The following ADAM23 variants were observed in gnomAD, a reference collection of about 807,000 sequenced individuals.
The protein encoded by ADAM23 is ADAM metallopeptidase domain 23, also known as disintegrin and metalloproteinase domain-containing protein 23.
In ADAM23, 33 loss-of-function variants were observed where a neutral mutation model predicts 120.1. That is an observed-to-expected ratio of 0.27 (90% CI 0.21 to 0.37). ADAM23 has a LOEUF of 0.37. ADAM23 is among the 10% of genes least tolerant of loss of function. The pLI, the probability that ADAM23 is intolerant of heterozygous loss-of-function variation, is 1.00. For missense variants in ADAM23, 862 were observed against 1,058.2 expected, an observed-to-expected ratio of 0.81 and a Z score of 2.57; for synonymous variants, 367 against 375.2, an observed-to-expected ratio of 0.98 and a Z score of 0.25.
At chr2:206,594,270 G>A (rs1046699137) in intron 22 of ADAM23, among the ~76,000 whole-genome samples, 1 of 152,006 alleles carries the variant, frequency 6.6e-6, no homozygotes, top group Non-Finnish European at 1.5e-5. Context: ...ATTTGTTTAT[G>A]TTTTTCAATT....
At chr2:206,533,712 C>G (rs1373555422) in intron 4 of ADAM23, among the ~76,000 whole-genome samples, 1 of 152,154 alleles carries the variant, frequency 6.6e-6, no homozygotes, top group East Asian at 1.9e-4. Flanking sequence ...CTAACAAGCC[C>G]CTCTCTCATT....
chr2:206,445,773 A>G (rs1475079535), intron 2 of ADAM23, among the ~76,000 whole-genome samples: 1 of 152,252 alleles, frequency 6.6e-6, no homozygotes, highest in African/African-American at 2.4e-5. Flanking sequence ...TGTATCTTTC[A>G]GGTACATTGG....
intron 4 of ADAM23, among the ~76,000 whole-genome samples, chr2:206,532,715 T>C (rs1697091467): frequency 6.6e-6 from 1 of 152,176 alleles, no homozygotes; most frequent in Non-Finnish European, 1.5e-5. Flanking sequence ...ATATATTAAG[T>C]AATCTTCTAA....
chr2:206,615,230 A>C (rs192044280), intron 25 of ADAM23, among the ~76,000 whole-genome samples: 11 of 152,306 alleles, frequency 7.2e-5, no homozygotes, highest in African/African-American at 2.6e-4. Context: ...AGAAGTAGTA[A>C]AAATGGATGA....
chr2:206,495,553 A>G (rs1412507925), intron 3 of ADAM23, among the ~76,000 whole-genome samples: 2 of 152,236 alleles, frequency 1.3e-5, no homozygotes, highest in African/African-American at 4.8e-5. Context: ...AACATGCCAA[A>G]TTGTAAAGAC....
chr2:206,606,053 C>G (rs1200790435), intron 24 of ADAM23, among the ~76,000 whole-genome samples: 1 of 152,184 alleles, frequency 6.6e-6, no homozygotes, highest in Non-Finnish European at 1.5e-5. Context: ...CATGTAGAAC[C>G]TTCTCCTGTC....
intron 22 of ADAM23, among the ~76,000 whole-genome samples, chr2:206,594,396 C>T (rs1362745531): frequency 6.6e-6 from 1 of 152,082 alleles, no homozygotes; most frequent in East Asian, 1.9e-4. Flanking sequence ...CCTTGGAGAG[C>T]TAATGATATA....
intron 2 of ADAM23, among the ~76,000 whole-genome samples, chr2:206,448,183 T>C (rs1310847400): frequency 6.6e-6 from 1 of 152,224 alleles, no homozygotes; most frequent in Admixed American, 6.5e-5. Flanking sequence ...TCCTAATAAT[T>C]ATGCCAGGTT....
At chr2:206,606,909 C>G (rs1047424887) in intron 24 of ADAM23, among the ~76,000 whole-genome samples, 1 of 152,164 alleles carries the variant, frequency 6.6e-6, no homozygotes, top group Non-Finnish European at 1.5e-5. Flanking sequence ...TCAGGAATCA[C>G]TAGATATCTT....
intron 3 of ADAM23, among the ~76,000 whole-genome samples, chr2:206,498,801 A>G (rs1230539310): frequency 6.6e-6 from 1 of 152,214 alleles, no homozygotes; most frequent in Non-Finnish European, 1.5e-5. Context: ...AAACAAATTT[A>G]CAAGAAAAAA....
At position 206,547,297 on chromosome 2, in the gene ADAM23, C is replaced by A. The variant is rs1053226178; in HGVS notation, c.721-132C>A. The stretch of plus-strand genomic sequence containing the variant: ...AGATTTCAATAAGACATACTTTTCA[C>A]TTTTGATAGCTAAAAAACTGACATA... On this transcript the variant is annotated intron_variant, in intron 6 of 25. Transcript: ENST00000264377. 3 of 614,148 alleles carry A rather than the reference C, an allele frequency of 4.9e-6. No homozygotes were observed. The African/African-American group carries it at 5.7e-5, about 12-fold the overall frequency. 38.0% of individuals were successfully genotyped at this position (614,148 alleles called of 1,614,324 possible). A position where few individuals can be genotyped will look rare whatever the true frequency, so the allele number is the denominator to read the frequency against.
At chr2:206,519,220 A>G (rs1405258469) in intron 3 of ADAM23, among the ~76,000 whole-genome samples, 1 of 152,188 alleles carries the variant, frequency 6.6e-6, no homozygotes, top group Admixed American at 6.5e-5. Flanking sequence ...ACGCTCATAA[A>G]CAACACTGAA....
chr2:206,561,044 A>C, intron 11 of ADAM23, 84 bp from the exon 12 acceptor site: 1 of 1,176,808 alleles, frequency 8.5e-7, no homozygotes, highest in Non-Finnish European at 1.3e-6. Context: ...GGGGTGTTCC[A>C]TGTAGGAGGG....
chr2:206,523,801 TTATC>T (rs1391117808), intron 3 of ADAM23, among the ~76,000 whole-genome samples: 1 of 152,272 alleles, frequency 6.6e-6, no homozygotes, highest in African/African-American at 2.4e-5. Context: ...CTTACAGTAA[TTATC>T]TAGTGAATTT....
intron 11 of ADAM23, among the ~76,000 whole-genome samples, 198 bp downstream of exon 11, chr2:206,560,316 A>G (rs775822577): frequency 1.3e-5 from 2 of 151,068 alleles, no homozygotes; most frequent in African/African-American, 2.4e-5. Flanking sequence ...CACAATATCT[A>G]CCTTTAGAGC....
At chr2:206,505,424 G>T (rs765104837) in intron 3 of ADAM23, among the ~76,000 whole-genome samples, 1 of 152,176 alleles carries the variant, frequency 6.6e-6, no homozygotes, top group Non-Finnish European at 1.5e-5. Context: ...CTGAAACTGG[G>T]TAAGGGTTTA....
At chr2:206,599,057 T>C (rs1574558357) in intron 24 of ADAM23, among the ~76,000 whole-genome samples, 1 of 151,378 alleles carries the variant, frequency 6.6e-6, no homozygotes, top group East Asian at 1.9e-4. Flanking sequence ...ATACAAAAAT[T>C]AGCCGGGCAT....
chr2:206,492,832 C>T (rs1204669575), intron 3 of ADAM23, among the ~76,000 whole-genome samples: 1 of 152,154 alleles, frequency 6.6e-6, no homozygotes, highest in Non-Finnish European at 1.5e-5. Context: ...GGGACCTATA[C>T]ATTCAAACCA....
intron 21 of ADAM23, among the ~76,000 whole-genome samples, chr2:206,590,784 G>A (rs909470786): frequency 3.9e-5 from 6 of 152,132 alleles, no homozygotes; most frequent in African/African-American, 1.2e-4. Flanking sequence ...AGTCCTCGAG[G>A]TGTCAGGGGA....
Sources: gnomAD v4.1 joint callset for allele counts (sites outside exome capture counted in the v4.1 genomes callset) on GRCh38, gnomAD v4.1.1 for gene constraint, MANE v1.5 for transcripts, NCBI Gene and HGNC (gene_info 2026-07-23, HGNC 2026-07-21) for gene names.